ZNF566: variants seen among roughly 807,000 people sequenced by gnomAD.
The protein encoded by ZNF566 is zinc finger protein 566.
ZNF566 carries 27 observed loss-of-function variants against 32.8 expected under a neutral mutation model. The ratio of observed to expected loss-of-function variants is 0.82; its 90% CI spans 0.61 to 1.14. The LOEUF (loss-of-function observed/expected upper bound fraction) is 1.14. Among genes scored for constraint, ZNF566 ranks in the 50% most tolerant of loss-of-function variants. The pLI is 0.00. For missense variants in ZNF566, 402 were observed against 490.4 expected, an observed-to-expected ratio of 0.82 and a Z score of 1.70; for synonymous variants, 154 against 159.5, an observed-to-expected ratio of 0.97 and a Z score of 0.26.
In ZNF566 at chr19:36,487,655, C is replaced by A. The variant is rs529928456; in HGVS notation, c.-60+1831G>T. ...AGATGCACTGGCTCATGCCTGTAAT[C>A]CCAGCACTTTGGGAGGCCAAGGTGG... On this transcript the variant is annotated intron_variant, in intron 1 of 4. Coordinates refer to ENST00000452939, the MANE Select transcript of ZNF566 (RefSeq NM_001145344.1). 2.4e-4 allele frequency among the ~76,000 whole-genome samples: 37 copies of A among 152,216 alleles called. No individual in the cohort carries two copies. The South Asian group carries it at 7.3e-3, about 30-fold the overall frequency.
chr19:36,448,845 C>A lies in ZNF566; in HGVS notation c.*132G>T. ...AGTATTTCTCCAACATTATTTTTCC[C>A]AGGCTGAATAAGCTGTAGTCCACAA... On this transcript the variant is annotated 3_prime_UTR_variant, in exon 5 of 5. Transcript: ENST00000452939. 1 of 770,616 alleles carries A rather than the reference C, an allele frequency of 1.3e-6. No homozygotes were observed. Among genetic ancestry groups the A allele is most frequent in the Non-Finnish European group, 1.9e-6 (1 of 513,478 alleles). 47.7% of individuals were successfully genotyped at this position (770,616 alleles called of 1,614,324 possible).
At position 36,449,436 on chromosome 19, in the gene ZNF566, A is replaced by G. The variant is rs202038114; in HGVS notation, c.798T>C (p.Ser266=). Residue 266 remains serine (S), a synonymous_variant, in exon 5 of 5, where the codon AGT becomes AGC. Coordinates refer to ENST00000452939, the MANE Select transcript of ZNF566 (RefSeq NM_001145344.1). ...TCTGATGTCGAGTGAAGTTTGAACC[A>G]CTACTAAAGGCTTTCCCACATTCCT... ...ECKECGKAFS[S]GSNFTRHQRI... The G allele has an allele frequency of 2.5e-6, 4 of 1,613,614 alleles. No individual in the cohort carries two copies. Among genetic ancestry groups the G allele is most frequent in the African/African-American group, 1.3e-5 (1 of 74,798 alleles).
At chr19:36,453,522 TAAAATA>T (rs1466149346) in intron 4 of ZNF566, among the ~76,000 whole-genome samples, 10 of 148,416 alleles carry the variant, frequency 6.7e-5, no homozygotes, top group Admixed American at 6.8e-5. Context: ...TTAATTAAAA[TAAAATA>T]AAAATAAAAA....
intron 4 of ZNF566, among the ~76,000 whole-genome samples, chr19:36,465,695 G>A (rs989351816): frequency 1.3e-5 from 2 of 151,510 alleles, no homozygotes; most frequent in East Asian, 1.9e-4. Flanking sequence ...GGATGGTCTC[G>A]ATCTCCTGAC....
At chr19:36,473,133 T>C (rs2033806414) in intron 3 of ZNF566, 127 bp from the exon 4 acceptor site, 1 of 1,085,398 alleles carries the variant, frequency 9.2e-7, no homozygotes, top group African/African-American at 1.6e-5. Flanking sequence ...AACGGACTTA[T>C]GAAACATAAC....
chr19:36,474,386 C>A (rs183227603), intron 2 of ZNF566, among the ~76,000 whole-genome samples: 52 of 152,272 alleles, frequency 3.4e-4, no homozygotes, highest in Admixed American at 3.1e-3. Flanking sequence ...AAGCAATTAA[C>A]CCCAGGAAAA....
chr19:36,489,219 C>T (rs2034248802), intron 1 of ZNF566, among the ~76,000 whole-genome samples: 1 of 152,160 alleles, frequency 6.6e-6, no homozygotes. Flanking sequence ...CACAAGCTCC[C>T]CACAGCCGCA....
At chr19:36,469,532 CTCCATCTCGAAAACAAAGAAAA>C (rs1251559048) in intron 4 of ZNF566, among the ~76,000 whole-genome samples, 47 of 151,866 alleles carry the variant, frequency 3.1e-4, no homozygotes, top group African/African-American at 9.9e-4. Context: ...AAGAGCGAAA[CTCCATCTCGAAAACAAAGAAAA>C]AAAAGAAAAT....
chr19:36,456,998 G>T (rs1265351051), intron 4 of ZNF566, among the ~76,000 whole-genome samples: 1 of 152,130 alleles, frequency 6.6e-6, no homozygotes, highest in African/African-American at 2.4e-5. Context: ...TTTCAAAATA[G>T]ATTACAAAGC....
intron 4 of ZNF566, among the ~76,000 whole-genome samples, chr19:36,454,611 T>G (rs2033254212): frequency 6.6e-6 from 1 of 152,068 alleles, no homozygotes; most frequent in African/African-American, 2.4e-5. Flanking sequence ...AATAATTATA[T>G]GCCAACAAAT....
In ZNF566 at chr19:36,449,420, G is replaced by A. The variant is rs781260994; in HGVS notation, c.814C>T (p.Arg272Ter). ...TCACCTGTGTGAATTCTCTGATGTC[G>A]AGTGAAGTTTGAACCACTACTAAAG... is the stretch of plus-strand genomic sequence containing the variant. Reference protein sequence around the residue: ...KAFSSGSNFTRHQRIHTGEKP... With the variant: ...KAFSSGSNFT Residue 272 changes from arginine (R) to a stop codon, truncating the protein, a stop_gained, in exon 5 of 5, where the codon CGA becomes TGA. Transcript: ENST00000452939. LOFTEE classifies it high-confidence loss of function. 3.7e-6 allele frequency: 6 copies of A among 1,613,266 alleles called. No homozygotes were observed. Among genetic ancestry groups the A allele is most frequent in the Non-Finnish European group, 4.2e-6 (5 of 1,179,926 alleles).
At chr19:36,469,902 G>A (rs976207652) in intron 4 of ZNF566, among the ~76,000 whole-genome samples, 5 of 151,358 alleles carry the variant, frequency 3.3e-5, no homozygotes, top group African/African-American at 1.2e-4. Flanking sequence ...GTAAGTATAA[G>A]TACTCGAACT....
At chr19:36,456,445 C>T (rs1010540168) in intron 4 of ZNF566, 1 of 148,494 alleles carries the variant, frequency 6.7e-6, no homozygotes, top group Non-Finnish European at 1.5e-5. Context: ...CCCAGATACT[C>T]GGGAGGCTGA....
At chr19:36,479,534 T>C (rs1388617550) in intron 1 of ZNF566, among the ~76,000 whole-genome samples, 2 of 152,230 alleles carry the variant, frequency 1.3e-5, no homozygotes, top group Non-Finnish European at 2.9e-5. Flanking sequence ...TTACTAAAAA[T>C]GACAAATTGG....
chr19:36,467,816 A>AAAAAAAAAG, intron 4 of ZNF566, among the ~76,000 whole-genome samples: 1 of 99,084 alleles, frequency 1.0e-5, no homozygotes, highest in African/African-American at 3.9e-5. Flanking sequence ...AAAAAAAAAA[A>AAAAAAAAAG]AAAAAAAAGA....
At chr19:36,462,135 T>A (rs1248840056) in intron 4 of ZNF566, among the ~76,000 whole-genome samples, 2 of 151,762 alleles carry the variant, frequency 1.3e-5, no homozygotes. Context: ...ATTAGAGGCA[T>A]GCACCACCAC....
At chr19:36,475,194 C>T (rs368889270) in intron 2 of ZNF566, among the ~76,000 whole-genome samples, 48 of 152,122 alleles carry the variant, frequency 3.2e-4, no homozygotes, top group African/African-American at 1.2e-3. Context: ...TACAGGCGTG[C>T]ACCAACATGC....
chr19:36,489,021 CCACATTGTCACAGTCGGCGCA>C (rs1568537876), intron 1 of ZNF566, among the ~76,000 whole-genome samples: 1 of 152,126 alleles, frequency 6.6e-6, no homozygotes, highest in Non-Finnish European at 1.5e-5. Flanking sequence ...ACAGTCACAA[CCACATTGTCACAGTCGGCGCA>C]CACCTGTACC....
chr19:36,457,655 G>A (rs985629504), intron 4 of ZNF566, among the ~76,000 whole-genome samples: 1 of 152,190 alleles, frequency 6.6e-6, no homozygotes, highest in African/African-American at 2.4e-5. Context: ...ACTTTGGGAG[G>A]CCGAGGTGGG....
Sources: allele counts gnomAD v4.1 joint callset (sites outside exome capture counted in the v4.1 genomes callset), GRCh38; gene constraint gnomAD v4.1.1; transcripts MANE v1.5; gene names NCBI Gene and HGNC (gene_info 2026-07-23, HGNC 2026-07-21).